SETD5: variants seen among roughly 807,000 people sequenced by gnomAD.
SETD5 encodes the protein SET domain containing 5, also known as histone-lysine N-methyltransferase SETD5.
SETD5 carries 44 observed loss-of-function variants against 153.3 expected under a neutral mutation model. The observed-to-expected ratio is 0.29, with a 90% CI of 0.23 to 0.37. The LOEUF is 0.37. Among genes scored for constraint, SETD5 ranks in the 10% least tolerant of loss-of-function variants. The pLI is 1.00. For synonymous variants in SETD5, 716 were observed against 645.2 expected (o/e 1.11, Z -1.66); for missense variants, 1,544 against 1,768.0 (o/e 0.87, Z 2.27).
chr3:9,450,891 T>C (rs2042549023), intron 16 of SETD5, among the ~76,000 whole-genome samples: 1 of 152,232 alleles, frequency 6.6e-6, no homozygotes, highest in Admixed American at 6.5e-5. Flanking sequence ...TTTTTATCAT[T>C]ATTATTCTGC....
intron 12 of SETD5, 85 bp downstream of exon 12, chr3:9,445,385 G>A (rs1312852639): frequency 1.1e-5 from 15 of 1,412,954 alleles, no homozygotes; most frequent in Non-Finnish European, 1.4e-5. Flanking sequence ...GTTTAAGTAG[G>A]GGAGCTATAG....
chr3:9,435,706 C>G (rs904515323), intron 6 of SETD5, 22 bp from the exon 7 acceptor site: 5 of 1,550,130 alleles, frequency 3.2e-6, no homozygotes, highest in Non-Finnish European at 3.5e-6. Context: ...AGTACCTGAA[C>G]TATGAAATCA....
chr3:9,421,863 G>A (rs944155253), intron 1 of SETD5, among the ~76,000 whole-genome samples: 1 of 152,096 alleles, frequency 6.6e-6, no homozygotes, highest in Non-Finnish European at 1.5e-5. Flanking sequence ...GTATATAGAA[G>A]TAATAGATTG....
At position 9,451,578 on chromosome 3, in the gene SETD5, G is replaced by A. The variant is rs577291489; in HGVS notation, c.2347-2161G>A. Among the ~76,000 whole-genome samples, 23 of 152,258 alleles carry A rather than the reference G, an allele frequency of 1.5e-4. No homozygotes were observed. The East Asian group carries it at 4.1e-3, about 27-fold the overall frequency. On this transcript the variant is annotated intron_variant, in intron 16 of 22. Transcript: ENST00000402198. ...TCCTCCTACCTCAACCTCTCGTGTA[G>A]CTGGGACCACAGGCACACCACCACG...
intron 1 of SETD5, chr3:9,398,356 T>A (rs1250015103): frequency 1.3e-5 from 2 of 152,186 alleles, no homozygotes; most frequent in Non-Finnish European, 2.9e-5. Flanking sequence ...AGGCATACTT[T>A]TTTTCTCTCC....
chr3:9,401,391 T>C (rs1575134650), intron 1 of SETD5, among the ~76,000 whole-genome samples: 1 of 152,360 alleles, frequency 6.6e-6, no homozygotes, highest in East Asian at 1.9e-4. Context: ...CCTTTTGTGC[T>C]CTTGATATTA....
At chr3:9,412,402 T>G (rs1217455812) in intron 1 of SETD5, among the ~76,000 whole-genome samples, 6 of 141,650 alleles carry the variant, frequency 4.2e-5, no homozygotes, top group Admixed American at 7.3e-5. Flanking sequence ...TTTTTTTTTT[T>G]TTTTTTTTTT....
chr3:9,455,004 A>G (rs986247574), intron 17 of SETD5, among the ~76,000 whole-genome samples: 2 of 152,104 alleles, frequency 1.3e-5, no homozygotes, highest in African/African-American at 2.4e-5. Context: ...CTGTTTACCA[A>G]CTTGCTGAAT....
At chr3:9,468,656 C>T in intron 18 of SETD5, 1 of 1,236,734 alleles carries the variant, frequency 8.1e-7, no homozygotes, top group South Asian at 1.3e-5. Context: ...GTGGGGAGGG[C>T]TGGGGATCTG....
chr3:9,426,211 CCCTTTTTTTTTTTTTTTT>C (rs1214888331), intron 2 of SETD5: 4 of 1,926 alleles, frequency 2.1e-3, no homozygotes, highest in African/African-American at 5.5e-3. Flanking sequence ...GTTCATCAGT[CCCTTTTTTTTTTTTTTTT>C]TTTTTTTTTT....
intron 18 of SETD5, among the ~76,000 whole-genome samples, chr3:9,467,318 A>G (rs1056592878): frequency 1.3e-5 from 2 of 152,096 alleles, no homozygotes; most frequent in African/African-American, 2.4e-5. Context: ...AAGGGGAAGA[A>G]GGTAAGAAGA....
At position 9,447,672 on chromosome 3, in the gene SETD5, T is replaced by G; in HGVS notation, c.1783-14T>G. ...AACATTTCTGGTAAGCATCTGACCC[T>G]ACTATTGCTACAGGATATTGCTGCA... On this transcript the variant is annotated splice_polypyrimidine_tract_variant and intron_variant, in intron 14 of 22. Coordinates refer to ENST00000402198, the MANE Select transcript of SETD5 (RefSeq NM_001080517.3). 1 of 1,611,100 alleles carries G rather than the reference T, an allele frequency of 6.2e-7. No homozygotes were observed. The highest frequency in any genetic ancestry group is 8.5e-7 in the Non-Finnish European group (1 of 1,177,788).
intron 1 of SETD5, among the ~76,000 whole-genome samples, chr3:9,403,963 G>A (rs2035248201): frequency 6.6e-6 from 1 of 152,106 alleles, no homozygotes; most frequent in African/African-American, 2.4e-5. Flanking sequence ...AAATTAGCTG[G>A]CAATTATTTG....
chr3:9,414,023 C>G (rs958638600), intron 1 of SETD5, among the ~76,000 whole-genome samples: 2 of 152,154 alleles, frequency 1.3e-5, no homozygotes, highest in African/African-American at 2.4e-5. Context: ...TGATCTGCCA[C>G]CTTGGCCTCC....
intron 8 of SETD5, 104 bp from the exon 9 acceptor site, chr3:9,441,488 TA>T (rs989139570): frequency 4.4e-5 from 50 of 1,142,320 alleles, no homozygotes; most frequent in Non-Finnish European, 5.6e-5. Flanking sequence ...CATGTACAGA[TA>T]AAACCTGAAA....
chr3:9,470,547 A>T lies in SETD5; in HGVS notation c.2813A>T (p.Asn938Ile). 1 of 1,613,752 alleles carries T rather than the reference A, an allele frequency of 6.2e-7. No homozygotes were observed. ...TGTGCTGATAGACCTTCCCTACTCA[A>T]CTCAGGTCATTCTGACCTGGCTCCT... ...NSCADRPSLL[N>I]SGHSDLAPHP... The change falls in exon 19 of 23, where the codon AAC becomes ATC. Residue 938 changes from asparagine to isoleucine, a missense_variant. Around this residue, in one of 9 missense-constraint regions of SETD5, gnomAD observed 782 missense variants for 787.2 expected, o/e 0.99. Coordinates refer to ENST00000402198, the MANE Select transcript of SETD5 (RefSeq NM_001080517.3).
chr3:9,442,395 C>T, intron 10 of SETD5, 150 bp downstream of exon 10: 3 of 636,332 alleles, frequency 4.7e-6, no homozygotes, highest in Non-Finnish European at 8.4e-6. Flanking sequence ...AGTAATGGTG[C>T]TTTTATACGA....
chr3:9,461,251 G>GA (rs1179480217), intron 17 of SETD5, among the ~76,000 whole-genome samples: 16 of 151,670 alleles, frequency 1.1e-4, no homozygotes, highest in East Asian at 3.9e-4. Flanking sequence ...AGCAAAAAAT[G>GA]AAAAAAAAGT....
intron 13 of SETD5, among the ~76,000 whole-genome samples, chr3:9,446,147 C>G (rs1402434230): frequency 6.6e-6 from 1 of 150,918 alleles, no homozygotes; most frequent in African/African-American, 2.4e-5. Flanking sequence ...ATTAGCCGGG[C>G]GCGGTGGCGG....
Sources: allele counts gnomAD v4.1 joint callset (sites outside exome capture counted in the v4.1 genomes callset), GRCh38; gene constraint gnomAD v4.1.1; regional missense constraint gnomAD v4.1.1; transcripts MANE v1.5; gene names NCBI Gene and HGNC (gene_info 2026-07-23, HGNC 2026-07-21).